Variants in MIR2052HG observed in about 807,000 individuals in gnomAD.
MIR2052HG encodes the protein MIR2052 host gene.
intron 2 of MIR2052HG, among the ~76,000 whole-genome samples, chr8:74,644,258 A>G (rs1024962321): frequency 1.3e-5 from 2 of 152,226 alleles, no homozygotes; most frequent in African/African-American, 4.8e-5. Context: ...CATACGCGAC[A>G]GTGGTCCTGT....
At chr8:74,627,832 T>A (rs1808456262) in intron 2 of MIR2052HG, among the ~76,000 whole-genome samples, 1 of 152,228 alleles carries the variant, frequency 6.6e-6, no homozygotes, top group Admixed American at 6.5e-5. Flanking sequence ...AATGATTAAA[T>A]CTCTACTTTC....
At chr8:74,745,617 A>C (rs1809876878) in intron 4 of MIR2052HG, among the ~76,000 whole-genome samples, 1 of 152,148 alleles carries the variant, frequency 6.6e-6, no homozygotes, top group Non-Finnish European at 1.5e-5. Flanking sequence ...AAAACAAAGA[A>C]AATAAAACGC....
chr8:74,678,756 G>A (rs1262333365), intron 2 of MIR2052HG, among the ~76,000 whole-genome samples: 1 of 151,646 alleles, frequency 6.6e-6, no homozygotes, highest in Non-Finnish European at 1.5e-5. Flanking sequence ...TAATATAATA[G>A]AAATGACAGT....
At chr8:74,669,155 C>T (rs1183543993) in intron 2 of MIR2052HG, among the ~76,000 whole-genome samples, 4 of 152,178 alleles carry the variant, frequency 2.6e-5, no homozygotes, top group African/African-American at 7.2e-5. Flanking sequence ...AGAAATGAAT[C>T]CTTGATTTTT....
chr8:74,605,052 C>T lies in MIR2052HG; in HGVS notation n.128+5144C>T, dbSNP rs189251894. Among the ~76,000 whole-genome samples, 8 of 152,182 alleles carry T rather than the reference C, an allele frequency of 5.3e-5. No individual in the cohort carries two copies. The East Asian group carries it at 1.5e-3, about 29-fold the overall frequency. On this transcript the variant is annotated intron_variant and non_coding_transcript_variant, in intron 1 of 6. Coordinates refer to ENST00000523442, the Ensembl canonical transcript of MIR2052HG. ...TTTTTTGTCACTGTGTCTTAAGACC[C>T]ATATTCTGCCCTTCATGATTATCAG...
At chr8:74,741,751 A>G (rs1165545535) in intron 4 of MIR2052HG, among the ~76,000 whole-genome samples, 1 of 152,204 alleles carries the variant, frequency 6.6e-6, no homozygotes, top group Non-Finnish European at 1.5e-5. Context: ...GGCACGTCAC[A>G]GCCTCTTGCA....
At chr8:74,645,384 C>T (rs574202516) in intron 2 of MIR2052HG, among the ~76,000 whole-genome samples, 1 of 151,852 alleles carries the variant, frequency 6.6e-6, no homozygotes, top group South Asian at 2.1e-4. Context: ...CTCCCAGGTT[C>T]AAGCAATTCT....
In MIR2052HG at chr8:74,717,815, G is replaced by GA. The variant is rs1237714297; in HGVS notation, n.371+14145dup. Among the ~76,000 whole-genome samples, 726 of 122,528 alleles carry GA rather than the reference G, an allele frequency of 5.9e-3. 2 individuals carry two copies. Among genetic ancestry groups the GA allele is most frequent in the Non-Finnish European group, 8.6e-3 (482 of 56,000 alleles). 80.4% of individuals were successfully genotyped at this position (122,528 alleles called of 152,430 possible). On this transcript the variant is annotated intron_variant and non_coding_transcript_variant, in intron 4 of 6. Coordinates refer to ENST00000523442, the Ensembl canonical transcript of MIR2052HG. ...AGAGTGAGACCCTGTCTCAAAAAAAGAAAAAAAAAAAAGTAATGCTAAACT... is the reference window on the plus strand; with the variant it reads ...AGAGTGAGACCCTGTCTCAAAAAAAGAAAAAAAAAAAAAGTAATGCTAAACT...
At chr8:74,712,808 A>C (rs1809483602) in intron 4 of MIR2052HG, among the ~76,000 whole-genome samples, 1 of 151,382 alleles carries the variant, frequency 6.6e-6, no homozygotes, top group Non-Finnish European at 1.5e-5. Flanking sequence ...TATGACATTG[A>C]TTTTTTTCTG....
At chr8:74,609,494 GA>G (rs1466984052) in intron 1 of MIR2052HG, among the ~76,000 whole-genome samples, 5 of 151,638 alleles carry the variant, frequency 3.3e-5, no homozygotes, top group Non-Finnish European at 5.9e-5. Flanking sequence ...TATTGCAAAG[GA>G]AGAAAATTGC....
intron 4 of MIR2052HG, among the ~76,000 whole-genome samples, chr8:74,735,009 C>G (rs1809731851): frequency 6.6e-6 from 1 of 152,152 alleles, no homozygotes; most frequent in Admixed American, 6.5e-5. Flanking sequence ...GACCATAAAG[C>G]CATTTGTATC....
At chr8:74,646,105 A>G (rs534909950) in intron 2 of MIR2052HG, among the ~76,000 whole-genome samples, 3 of 144,872 alleles carry the variant, frequency 2.1e-5, no homozygotes, top group South Asian at 4.2e-4. Context: ...AACTGAGTCT[A>G]GTGGGAATAC....
intron 1 of MIR2052HG, among the ~76,000 whole-genome samples, chr8:74,612,000 C>G (rs550809184): frequency 1.3e-5 from 2 of 152,194 alleles, no homozygotes; most frequent in South Asian, 4.1e-4. Flanking sequence ...GCTCATCCCC[C>G]GAAGCTCAGG....
chr8:74,651,638 A>AT (rs1200141430), intron 2 of MIR2052HG, among the ~76,000 whole-genome samples: 2 of 152,108 alleles, frequency 1.3e-5, no homozygotes, highest in East Asian at 3.9e-4. Flanking sequence ...CCCAGTCCTG[A>AT]TTTTTTTCTT....
At chr8:74,739,540 T>C (rs1386846524) in intron 4 of MIR2052HG, among the ~76,000 whole-genome samples, 1 of 152,164 alleles carries the variant, frequency 6.6e-6, no homozygotes, top group Non-Finnish European at 1.5e-5. Flanking sequence ...GTTCATGAAT[T>C]CCCCAGAACT....
intron 2 of MIR2052HG, among the ~76,000 whole-genome samples, chr8:74,627,635 A>G (rs909465460): frequency 5.9e-5 from 9 of 152,202 alleles, no homozygotes; most frequent in African/African-American, 2.2e-4. Flanking sequence ...TGATAATGAC[A>G]GGTAGGAGTA....
At chr8:74,635,412 G>A (rs115410038) in intron 2 of MIR2052HG, among the ~76,000 whole-genome samples, 2 of 152,064 alleles carry the variant, frequency 1.3e-5, no homozygotes, top group African/African-American at 4.8e-5. Flanking sequence ...ATTTGCACTG[G>A]TCCTTAATTA....
rs1809846714 is a variant in MIR2052HG at position 74,742,922 on chromosome 8, C to T, written n.372-9519C>T. Among the ~76,000 whole-genome samples the T allele has an allele frequency of 2.0e-5, 3 of 151,894 alleles. No individual in the cohort carries two copies. The South Asian group carries it at 6.2e-4, about 32-fold the overall frequency. ...AAGCCTATGTCTTATTCTGGGAATC[C>T]CTTGGATGTCATGGTATAAAATTTG... On this transcript the variant is annotated intron_variant and non_coding_transcript_variant, in intron 4 of 6. Transcript: ENST00000523442.
rs547680034 is a variant in MIR2052HG at position 74,603,472 on chromosome 8, C to T, written n.128+3564C>T. The T allele has an allele frequency of 1.2e-5, 20 of 1,600,794 alleles. No individual in the cohort carries two copies. In the East Asian group the frequency reaches 2.7e-4, roughly 21 times the overall value. On this transcript the variant is annotated intron_variant and non_coding_transcript_variant, in intron 1 of 6. Transcript: ENST00000523442. ...GATCTCATTTATTTTGGCGCCTTGACGCCCGATTATGCAGCCAATCAAATC... is the reference window on the plus strand; with the variant it reads ...GATCTCATTTATTTTGGCGCCTTGATGCCCGATTATGCAGCCAATCAAATC...
Sources: allele counts gnomAD v4.1 joint callset (sites outside exome capture counted in the v4.1 genomes callset), GRCh38; gene constraint gnomAD v4.1.1; transcripts MANE v1.5; gene names NCBI Gene and HGNC (gene_info 2026-07-23, HGNC 2026-07-21).